Variants in DIP2C observed in about 807,000 individuals in gnomAD.
DIP2C encodes DIP2 acetate--CoA ligase C (putative), also known as disco-interacting protein 2 homolog C.
A neutral mutation model predicts 192.4 loss-of-function variants in DIP2C; 33 were observed. That is an observed-to-expected ratio of 0.17 (90% CI 0.13 to 0.23). The LOEUF is 0.23. DIP2C is among the 10% of genes least tolerant of loss of function. DIP2C has a pLI of 1.00. For missense variants in DIP2C, 1,537 were observed against 2,110.1 expected, an observed-to-expected ratio of 0.73 and a Z score of 5.32; for synonymous variants, 979 against 864.1, an observed-to-expected ratio of 1.13 and a Z score of -2.33.
At chr10:650,214 G>A (rs376211649) in intron 1 of DIP2C, 7 of 717,236 alleles carry the variant, frequency 9.8e-6, no homozygotes, top group South Asian at 1.5e-5. Context: ...GAGGCCACAC[G>A]GGGAGGGCTG....
intron 2 of DIP2C, among the ~76,000 whole-genome samples, chr10:476,736 G>A (rs935115431): frequency 1.3e-5 from 2 of 152,178 alleles, no homozygotes; most frequent in Non-Finnish European, 2.9e-5. Context: ...CTCAATCTCT[G>A]TTACAAGAAC....
intron 23 of DIP2C, 73 bp from the exon 24 acceptor site, chr10:356,579 C>G: frequency 7.7e-7 from 1 of 1,303,952 alleles, no homozygotes; most frequent in Non-Finnish European, 1.1e-6. Context: ...GTGGGGCAAC[C>G]TGGATACTCA....
chr10:384,729 G>A (rs1271084264), intron 14 of DIP2C, 90 bp from the exon 15 acceptor site: 68 of 1,304,142 alleles, frequency 5.2e-5, no homozygotes, highest in Non-Finnish European at 6.6e-5. Flanking sequence ...TAGGCCGCAC[G>A]GGCAGGGGGG....
At chr10:642,256 G>A (rs187119395) in intron 1 of DIP2C, among the ~76,000 whole-genome samples, 189 of 152,292 alleles carry the variant, frequency 1.2e-3, no homozygotes, top group African/African-American at 4.3e-3. Flanking sequence ...TGAAACCTCA[G>A]CATCCTCAGA....
intron 29 of DIP2C, among the ~76,000 whole-genome samples, chr10:334,200 G>A (rs1957636722): frequency 1.3e-5 from 2 of 149,730 alleles, no homozygotes; most frequent in Admixed American, 1.4e-4. Flanking sequence ...CCAGCTACTT[G>A]GGAGGCTGAG....
intron 3 of DIP2C, among the ~76,000 whole-genome samples, chr10:454,915 A>C (rs1589832922): frequency 6.6e-6 from 1 of 152,280 alleles, no homozygotes; most frequent in East Asian, 1.9e-4. Context: ...CACAGCTTTA[A>C]ATCTTTAGAA....
At chr10:339,348 A>G (rs1958031869) in intron 29 of DIP2C, among the ~76,000 whole-genome samples, 1 of 152,202 alleles carries the variant, frequency 6.6e-6, no homozygotes, top group Non-Finnish European at 1.5e-5. Flanking sequence ...GGCAATCAAC[A>G]GAATACTGTG....
intron 29 of DIP2C, 121 bp downstream of exon 29, chr10:341,078 A>C: frequency 2.2e-6 from 3 of 1,394,064 alleles, no homozygotes; most frequent in Non-Finnish European, 3.0e-6. Context: ...GGTAAGCCCC[A>C]GGCCTCCTCT....
Position 561,771 on chromosome 10 carries a change from G to A in DIP2C, c.86-75241C>T, listed in dbSNP as rs1401764174. ...AGACTCCTCATTCCAGAGAGAGCAGGTGCCACAAAACTCAGTGTTTTCGCC... is the reference window on the plus strand; with the variant it reads ...AGACTCCTCATTCCAGAGAGAGCAGATGCCACAAAACTCAGTGTTTTCGCC... On this transcript the variant is annotated intron_variant, in intron 1 of 36. Coordinates refer to ENST00000280886, the MANE Select transcript of DIP2C (RefSeq NM_014974.3). 2.1e-5 allele frequency among the ~76,000 whole-genome samples: 3 copies of A among 143,722 alleles called. No homozygotes were observed. In the East Asian group the frequency reaches 5.9e-4, roughly 28 times the overall value. 94.3% of individuals were successfully genotyped at this position (143,722 alleles called of 152,430 possible).
intron 34 of DIP2C, among the ~76,000 whole-genome samples, chr10:285,810 G>C (rs138769785): frequency 6.6e-6 from 1 of 152,360 alleles, no homozygotes; most frequent in East Asian, 1.9e-4. Context: ...TGAGGCAAAG[G>C]TGTCAAGTTC....
chr10:399,126 C>A lies in DIP2C; in HGVS notation c.1243G>T (p.Val415Leu). Residue 415 changes from valine to leucine, a missense_variant, in exon 10 of 37, where the codon GTG becomes TTG. By Grantham distance (32) the Val-to-Leu change is conservative. This residue lies in a region of DIP2C where 677 missense variants were observed against 989.9 expected (regional missense o/e 0.68). Transcript: ENST00000280886. ...LAEVVPVPIEVPLTRKDAGSQ... is the reference protein window; with the variant it reads ...LAEVVPVPIELPLTRKDAGSQ... The stretch of plus-strand genomic sequence containing the variant: ...TTCCTTACCTTCCTGGTGAGCGGCA[C>A]CTCGATGGGCACGGGGACCACCTCG... 6.2e-7 allele frequency: 1 copy of A among 1,613,794 alleles called. No homozygotes were observed. The highest frequency in any genetic ancestry group is 8.5e-7 in the Non-Finnish European group (1 of 1,179,980).
intron 22 of DIP2C, among the ~76,000 whole-genome samples, chr10:359,741 G>A (rs371270661): frequency 3.7e-4 from 57 of 152,216 alleles, no homozygotes; most frequent in African/African-American, 1.3e-3. Flanking sequence ...CACCCGCTGC[G>A]CATCCTCTAT....
chr10:617,524 C>T (rs1180133244), intron 1 of DIP2C, among the ~76,000 whole-genome samples: 1 of 152,288 alleles, frequency 6.6e-6, no homozygotes, highest in South Asian at 2.1e-4. Context: ...CCAGGGCCAA[C>T]TCCCAACAGT....
intron 35 of DIP2C, among the ~76,000 whole-genome samples, chr10:281,568 G>A (rs1281877269): frequency 6.6e-6 from 1 of 152,224 alleles, no homozygotes; most frequent in Non-Finnish European, 1.5e-5. Flanking sequence ...TGTGCTTTGG[G>A]AGAAGATCTT....
chr10:639,395 CGGG>C (rs1855032024), intron 1 of DIP2C, among the ~76,000 whole-genome samples: 1 of 138,422 alleles, frequency 7.2e-6, no homozygotes. Context: ...TGTGTCAGGT[CGGG>C]AGAGTGCTGT....
chr10:579,326 T>C (rs960913947), intron 1 of DIP2C, among the ~76,000 whole-genome samples: 15 of 152,010 alleles, frequency 9.9e-5, no homozygotes, highest in African/African-American at 3.6e-4. Flanking sequence ...ATAATACGTG[T>C]GTACATGCAT....
chr10:505,348 A>G (rs1845523408), intron 1 of DIP2C, among the ~76,000 whole-genome samples: 1 of 152,212 alleles, frequency 6.6e-6, no homozygotes, highest in African/African-American at 2.4e-5. Context: ...GGAGAAAGCA[A>G]AACATTTGAG....
chr10:540,760 A>G lies in DIP2C; in HGVS notation c.86-54230T>C, dbSNP rs540839463. ...AAGTAATCTCTAATTACTGTCTGCCATTTCTTGCATCCTGTAAGGTGCATT... is the reference window on the plus strand; with the variant it reads ...AAGTAATCTCTAATTACTGTCTGCCGTTTCTTGCATCCTGTAAGGTGCATT... On this transcript the variant is annotated intron_variant, in intron 1 of 36. Coordinates refer to ENST00000280886, the MANE Select transcript of DIP2C (RefSeq NM_014974.3). Among the ~76,000 whole-genome samples, 300 of 152,346 alleles carry G rather than the reference A, an allele frequency of 2.0e-3. 1 individual carries two copies. Among genetic ancestry groups the G allele is most frequent in the Middle Eastern group, 0.01 (3 of 294 alleles).
intron 1 of DIP2C, among the ~76,000 whole-genome samples, chr10:578,611 A>C (rs1267007634): frequency 1.3e-5 from 2 of 152,182 alleles, no homozygotes; most frequent in African/African-American, 4.8e-5. Flanking sequence ...AACTGTTTTC[A>C]TCCTATACTC....
Sources: allele counts gnomAD v4.1 joint callset (sites outside exome capture counted in the v4.1 genomes callset), GRCh38; gene constraint gnomAD v4.1.1; regional missense constraint gnomAD v4.1.1; transcripts MANE v1.5; gene names NCBI Gene and HGNC (gene_info 2026-07-23, HGNC 2026-07-21).